The following GASK1A variants were observed in gnomAD, a reference collection of about 807,000 sequenced individuals.
GASK1A encodes golgi associated kinase 1A, also known as Golgi-associated kinase 1A.
A neutral mutation model predicts 41.2 loss-of-function variants in GASK1A; 40 were observed. The observed-to-expected ratio is 0.97, with a 90% CI of 0.75 to 1.27. The LOEUF (loss-of-function observed/expected upper bound fraction) is 1.27. Among genes scored for constraint, GASK1A ranks in the 50% most tolerant of loss-of-function variants. The pLI is 0.00. For missense variants in GASK1A, 678 were observed against 745.1 expected (o/e 0.91, Z 1.05); for synonymous variants, 316 against 307.1 (o/e 1.03, Z -0.30).
rs2293213 is a variant in GASK1A at position 43,055,443 on chromosome 3, C to T, written c.1425C>T (p.Ser475=). The T allele has an allele frequency of 4.5e-4, 696 of 1,551,326 alleles. 3 individuals are homozygous for T. In the East Asian group the frequency reaches 6.9e-3, roughly 15 times the overall value. The stretch of plus-strand genomic sequence containing the variant: ...CCCTCTTCCCTGAGGTCCGGAGCAG[C>T]GATCCATCTCACCTGGTCTACATCG... ...LRLVHILVRS[S]DPSHLVYIDN... The change falls in exon 4 of 5, where the codon AGC becomes AGT. Residue 475 remains serine, a synonymous_variant. Transcript: ENST00000430121.
intron 2 of GASK1A, among the ~76,000 whole-genome samples, chr3:43,042,640 G>C (rs1276114322): frequency 6.6e-6 from 1 of 152,154 alleles, no homozygotes; most frequent in Non-Finnish European, 1.5e-5. Context: ...ATTCTTCTTA[G>C]CTTTCTTGCC....
intron 1 of GASK1A, among the ~76,000 whole-genome samples, chr3:42,981,291 T>C (rs113281915): frequency 6.4e-4 from 98 of 152,160 alleles, no homozygotes; most frequent in African/African-American, 2.2e-3. Context: ...GTCCTTTGCT[T>C]CTCCATCTGA....
At chr3:43,030,222 G>T (rs953407729) in intron 1 of GASK1A, among the ~76,000 whole-genome samples, 2 of 152,210 alleles carry the variant, frequency 1.3e-5, no homozygotes, top group Non-Finnish European at 2.9e-5. Flanking sequence ...GGCCAGGTTC[G>T]TCTCAAACTC....
intron 1 of GASK1A, among the ~76,000 whole-genome samples, chr3:43,006,741 G>C (rs1487642496): frequency 2.0e-5 from 3 of 152,180 alleles, no homozygotes; most frequent in Non-Finnish European, 4.4e-5. Context: ...TGTTATTTGG[G>C]AGTACAATCT....
At chr3:43,054,559 G>C (rs981879968) in intron 3 of GASK1A, among the ~76,000 whole-genome samples, 7 of 152,172 alleles carry the variant, frequency 4.6e-5, no homozygotes, top group African/African-American at 1.2e-4. Flanking sequence ...AGGAGAAGAG[G>C]CAGAGAGAAG....
At chr3:43,005,706 G>A (rs559629359) in intron 1 of GASK1A, among the ~76,000 whole-genome samples, 1 of 152,180 alleles carries the variant, frequency 6.6e-6, no homozygotes, top group Admixed American at 6.5e-5. Context: ...AAAATCGTAG[G>A]CTGGGGTTGC....
rs902292627 is a variant in GASK1A at position 43,056,094 on chromosome 3, C to G, written c.1518-82C>G. 13 of 1,143,548 alleles carry G rather than the reference C, an allele frequency of 1.1e-5. No homozygotes were observed. In the Admixed American group the frequency reaches 2.9e-4, roughly 25 times the overall value. The allele number at this position is 1,143,548 out of a possible 1,614,324, so 70.8% of individuals were successfully genotyped here. Reference sequence around the variant, plus strand: ...CCTCAGCTATGCAAGCTCTGGCCATCTGGCATCACCTGTTACTGAAATTCT... The same window carrying G: ...CCTCAGCTATGCAAGCTCTGGCCATGTGGCATCACCTGTTACTGAAATTCT... On this transcript the variant is annotated intron_variant, in intron 4 of 4. Coordinates refer to ENST00000430121, the MANE Select transcript of GASK1A (RefSeq NM_001129908.3).
At chr3:43,024,941 C>A (rs910438519) in intron 1 of GASK1A, among the ~76,000 whole-genome samples, 3 of 152,098 alleles carry the variant, frequency 2.0e-5, no homozygotes, top group Admixed American at 1.3e-4. Context: ...GGAAGGCTTC[C>A]TGGGGGAGGT....
chr3:43,032,416 G>A lies in GASK1A; in HGVS notation c.153G>A (p.Gly51=), dbSNP rs747630230. Residue 51 remains glycine (G), a synonymous_variant, in exon 2 of 5, where the codon GGG becomes GGA. Transcript: ENST00000430121. ...GPDPGPMEPQ[G]VTGAPATHIR... is the part of the protein sequence containing the mutation. ...ACCCTGGTCCCATGGAGCCTCAGGG[G>A]GTAACTGGCGCCCCTGCAACCCATA... The A allele has an allele frequency of 1.4e-4, 211 of 1,551,180 alleles. No homozygotes were observed. Among genetic ancestry groups the A allele is most frequent in the Non-Finnish European group, 1.6e-4 (184 of 1,146,704 alleles).
chr3:42,990,386 T>C lies in GASK1A; in HGVS notation c.3+10741T>C, dbSNP rs55702394. Among the ~76,000 whole-genome samples, 1,168 of 150,906 alleles carry C rather than the reference T, an allele frequency of 7.7e-3. 10 individuals carry two copies. Among genetic ancestry groups the C allele is most frequent in the Middle Eastern group, 0.01 (3 of 286 alleles). On this transcript the variant is annotated intron_variant, in intron 1 of 4. Transcript: ENST00000430121. ...AAAAAGGGTCCCTATGCATACACCC[T>C]TGGGGATAACTCCCAACCAGCTTCT...
At chr3:43,021,622 A>T (rs1250721941) in intron 1 of GASK1A, among the ~76,000 whole-genome samples, 2 of 152,150 alleles carry the variant, frequency 1.3e-5, no homozygotes, top group East Asian at 3.9e-4. Context: ...TGGGCCTTTT[A>T]CATACTTTGA....
rs199978501 is a variant in GASK1A, at chr3:43,026,194, CA to C, written c.4-6072del. On this transcript the variant is annotated intron_variant, in intron 1 of 4. Coordinates refer to ENST00000430121, the MANE Select transcript of GASK1A (RefSeq NM_001129908.3). ...AGCTGGACTATTGGGATTAGAAAAG[CA>C]GAGGACACTGTGATACATAAAGAGC... 9.3e-3 allele frequency among the ~76,000 whole-genome samples: 1,414 copies of C among 152,228 alleles called. 32 individuals are homozygous for C. Among genetic ancestry groups the C allele is most frequent in the African/African-American group, 0.032 (1,347 of 41,510 alleles).
intron 1 of GASK1A, among the ~76,000 whole-genome samples, chr3:43,005,487 G>C (rs139444379): frequency 6.6e-6 from 1 of 152,204 alleles, no homozygotes; most frequent in South Asian, 2.1e-4. Context: ...TCACACTGCA[G>C]ATGCTCTCTG....
rs1475024869 is a variant in GASK1A at position 43,037,347 on chromosome 3, T to A, written c.1290+3794T>A. 3 of 914,034 alleles carry A rather than the reference T, an allele frequency of 3.3e-6. No individual in the cohort carries two copies. In the African/African-American group the frequency reaches 4.9e-5, roughly 15 times the overall value. The allele number at this position is 914,034 out of a possible 1,614,324, so 56.6% of individuals were successfully genotyped here. ...CTCTGAAAGTGCCTTGAATAATGAC[T>A]CTAAAATGTGCAATACAAATCCTCA... On this transcript the variant is annotated intron_variant, in intron 2 of 4. Coordinates refer to ENST00000430121, the MANE Select transcript of GASK1A (RefSeq NM_001129908.3).
intron 2 of GASK1A, among the ~76,000 whole-genome samples, chr3:43,042,071 G>A (rs1559406828): frequency 6.6e-6 from 1 of 152,124 alleles, no homozygotes; most frequent in African/African-American, 2.4e-5. Flanking sequence ...CCAGAGACAT[G>A]ACATGTTTCT....
intron 1 of GASK1A, among the ~76,000 whole-genome samples, chr3:43,031,889 G>A (rs2089577664): frequency 6.6e-6 from 1 of 152,204 alleles, no homozygotes; most frequent in South Asian, 2.1e-4. Context: ...TGGGCCCATG[G>A]GATCACATGG....
chr3:43,052,535 T>G (rs887821096), intron 2 of GASK1A, among the ~76,000 whole-genome samples: 3 of 152,130 alleles, frequency 2.0e-5, no homozygotes, highest in Non-Finnish European at 4.4e-5. Flanking sequence ...AAAAGGAAAA[T>G]AGAATGAGTT....
intron 4 of GASK1A, 31 bp downstream of exon 4, chr3:43,055,566 A>C: frequency 3.8e-5 from 56 of 1,483,226 alleles, no homozygotes; most frequent in Non-Finnish European, 4.5e-5. Flanking sequence ...GTGGAAGTTC[A>C]TGGGACTGAG....
intron 1 of GASK1A, among the ~76,000 whole-genome samples, chr3:42,981,448 G>A (rs1335739653): frequency 1.3e-5 from 2 of 152,168 alleles, no homozygotes; most frequent in Non-Finnish European, 2.9e-5. Flanking sequence ...TATTCAAGGT[G>A]CCATTTAGCT....
Sources: gnomAD v4.1 joint callset for allele counts (sites outside exome capture counted in the v4.1 genomes callset) on GRCh38, gnomAD v4.1.1 for gene constraint, MANE v1.5 for transcripts, NCBI Gene and HGNC (gene_info 2026-07-23, HGNC 2026-07-21) for gene names.